Variants in SGCD observed in about 807,000 individuals in gnomAD.
SGCD encodes sarcoglycan delta.
In SGCD, 18 loss-of-function variants were observed where a neutral mutation model predicts 36.6. The ratio of observed to expected loss-of-function variants is 0.49; its 90% CI spans 0.34 to 0.73. The LOEUF (loss-of-function observed/expected upper bound fraction) is 0.73, where lower values mean the gene tolerates loss of function less well. Ranked by LOEUF, SGCD falls within the 30% of genes least tolerant of loss-of-function variation. The pLI is 0.01. For missense variants in SGCD, 387 were observed against 346.7 expected (o/e 1.12, Z -0.92); for synonymous variants, 133 against 130.6 (o/e 1.02, Z -0.12).
chr5:155,866,967 G>A (rs1276010638), upstream of SGCD, among the ~76,000 whole-genome samples: 1 of 152,060 alleles, frequency 6.6e-6, no homozygotes, highest in Non-Finnish European at 1.5e-5. Context: ...TCAACTGTGA[G>A]GACTTAAATG....
chr5:156,735,746 C>T (rs1002279067), intron 7 of SGCD, among the ~76,000 whole-genome samples: 4 of 150,102 alleles, frequency 2.7e-5, no homozygotes, highest in African/African-American at 9.7e-5. Context: ...CGCTGCTTTG[C>T]CCCCTGGATT....
At chr5:156,561,832 A>G (rs1306841192) in intron 4 of SGCD, among the ~76,000 whole-genome samples, 3 of 151,770 alleles carry the variant, frequency 2.0e-5, no homozygotes, top group Non-Finnish European at 4.4e-5. Context: ...TTAAATCCCA[A>G]CTCTCACATT....
chr5:156,716,328 T>G (rs1755222043), intron 7 of SGCD, among the ~76,000 whole-genome samples: 1 of 152,196 alleles, frequency 6.6e-6, no homozygotes, highest in Non-Finnish European at 1.5e-5. Context: ...ATTTTATGGA[T>G]GAGGAACTGA....
the SGCD span, among the ~76,000 whole-genome samples, chr5:155,758,886 T>G: frequency 1.3e-5 from 2 of 152,216 alleles, no homozygotes; most frequent in Non-Finnish European, 2.9e-5. Context: ...GCTAACTGCC[T>G]TCTATTTTAT....
intron 3 of SGCD, among the ~76,000 whole-genome samples, chr5:156,405,806 G>A (rs1772370258): frequency 6.6e-6 from 1 of 152,026 alleles, no homozygotes; most frequent in African/African-American, 2.4e-5. Context: ...ATAGGCCTGG[G>A]GGCAGGACCA....
chr5:156,656,750 A>C (rs1438067324), intron 7 of SGCD, among the ~76,000 whole-genome samples: 1 of 152,200 alleles, frequency 6.6e-6, no homozygotes, highest in African/African-American at 2.4e-5. Flanking sequence ...TCTATTGAAA[A>C]GAGCTTGAAA....
the SGCD span, among the ~76,000 whole-genome samples, chr5:155,741,235 C>A: frequency 6.6e-6 from 1 of 152,104 alleles, no homozygotes; most frequent in Non-Finnish European, 1.5e-5. Flanking sequence ...GATGAAGTCT[C>A]CAGGTAGCAA....
intron 6 of SGCD, among the ~76,000 whole-genome samples, chr5:156,601,210 C>T (rs1761177419): frequency 1.3e-5 from 2 of 152,160 alleles, no homozygotes; most frequent in Non-Finnish European, 2.9e-5. Context: ...AAAATCCTTC[C>T]TTAGCCCAAT....
chr5:155,815,151 A>T, the SGCD span, among the ~76,000 whole-genome samples: 7,302 of 152,258 alleles, frequency 0.048, 232 homozygotes, highest in Middle Eastern at 0.13. Flanking sequence ...GTCAAATAAT[A>T]TTCTAACTGG....
At chr5:156,144,938 A>G (rs1489745519) in intron 3 of SGCD, among the ~76,000 whole-genome samples, 4 of 152,238 alleles carry the variant, frequency 2.6e-5, no homozygotes, top group African/African-American at 7.2e-5. Flanking sequence ...AGTTAATGCT[A>G]GAATGAGTTA....
chr5:156,294,349 C>T (rs1370755161), intron 3 of SGCD, among the ~76,000 whole-genome samples: 1 of 152,072 alleles, frequency 6.6e-6, no homozygotes, highest in Non-Finnish European at 1.5e-5. Context: ...GTAATCCCAG[C>T]ATCTCAGGAG....
the SGCD span, among the ~76,000 whole-genome samples, chr5:155,752,509 G>T: frequency 6.6e-6 from 1 of 152,188 alleles, no homozygotes; most frequent in South Asian, 2.1e-4. Context: ...TACCTAGTTG[G>T]TTGATACCTA....
At chr5:156,589,833 TTGTG>T (rs1340316078) in intron 5 of SGCD, among the ~76,000 whole-genome samples, 3 of 152,242 alleles carry the variant, frequency 2.0e-5, no homozygotes, top group African/African-American at 7.2e-5. Context: ...CTGAATATGT[TTGTG>T]TGTAATTTCT....
At chr5:156,083,487 G>T (rs1761014089) in intron 1 of SGCD, among the ~76,000 whole-genome samples, 1 of 150,996 alleles carries the variant, frequency 6.6e-6, no homozygotes, top group Non-Finnish European at 1.5e-5. Flanking sequence ...TAGAGGCAGG[G>T]TTTCTCCGTG....
intron 3 of SGCD, among the ~76,000 whole-genome samples, chr5:156,480,950 G>T (rs1755396896): frequency 6.6e-6 from 1 of 152,190 alleles, no homozygotes; most frequent in Non-Finnish European, 1.5e-5. Context: ...GTGCTATAAA[G>T]TAATGGAAAG....
chr5:155,853,995 G>A, the SGCD span, among the ~76,000 whole-genome samples: 4 of 152,108 alleles, frequency 2.6e-5, no homozygotes, highest in African/African-American at 9.7e-5. Flanking sequence ...CCTTCTTCAT[G>A]TACACTTCTT....
rs533935775 is a variant in SGCD at position 156,559,447 on chromosome 5, A to G, written c.295-29784A>G. ...TAGAACATCAAAACAAAAAACGTACACTGTCTAGATAGATGTTCAGGGTAC... is the reference window on the plus strand; with the variant it reads ...TAGAACATCAAAACAAAAAACGTACGCTGTCTAGATAGATGTTCAGGGTAC... On this transcript the variant is annotated intron_variant, in intron 4 of 8. Coordinates refer to ENST00000337851, the MANE Select transcript of SGCD (RefSeq NM_000337.6). Among the ~76,000 whole-genome samples the G allele has an allele frequency of 4.6e-5, 7 of 152,276 alleles. No individual in the cohort carries two copies. The East Asian group carries it at 1.4e-3, about 29-fold the overall frequency.
rs200057153 is a variant in SGCD, at chr5:156,338,433, A to G, written c.4-6056A>G. Reference sequence around the variant, plus strand: ...CCTTTTTCATCCCTATGTCTTCTCAATGACCTGTAAGAAGAGGAGCAATAA... The same window carrying G: ...CCTTTTTCATCCCTATGTCTTCTCAGTGACCTGTAAGAAGAGGAGCAATAA... On this transcript the variant is annotated intron_variant, in intron 2 of 8. Coordinates refer to ENST00000337851, the MANE Select transcript of SGCD (RefSeq NM_000337.6). Among the ~76,000 whole-genome samples the G allele has an allele frequency of 1.3e-4, 20 of 152,168 alleles. No homozygotes were observed. In the East Asian group the frequency reaches 3.5e-3, roughly 26 times the overall value.
At position 156,261,222 on chromosome 5, in the gene SGCD, G is replaced by A. The variant is rs186298201; in HGVS notation, c.-43-68312G>A. ...TGAGTTTCTATAGTATTAAGATTGT[G>A]GATGTGAAAATATTTTTTCTTTAAT... On this transcript the variant is annotated intron_variant, in intron 3 of 9. Transcript: ENST00000517913. 4.6e-5 allele frequency among the ~76,000 whole-genome samples: 7 copies of A among 152,256 alleles called. No homozygotes were observed. In the East Asian group the frequency reaches 1.3e-3, roughly 29 times the overall value.
Sources: gnomAD v4.1 joint callset for allele counts (sites outside exome capture counted in the v4.1 genomes callset) on GRCh38, gnomAD v4.1.1 for gene constraint, MANE v1.5 for transcripts, NCBI Gene and HGNC (gene_info 2026-07-23, HGNC 2026-07-21) for gene names.